The following ERI1 variants were observed in gnomAD, a reference collection of about 807,000 sequenced individuals.
ERI1 encodes exoribonuclease 1.
In ERI1, 39 loss-of-function variants were observed where a neutral mutation model predicts 39.7. The ratio of observed to expected loss-of-function variants is 0.98; its 90% CI spans 0.76 to 1.28. The LOEUF (loss-of-function observed/expected upper bound fraction) is 1.28. Ranked by LOEUF, ERI1 falls within the 50% of genes most tolerant of loss-of-function variation. The pLI is 0.00. For synonymous variants in ERI1, 204 were observed against 149.6 expected, an observed-to-expected ratio of 1.36 and a Z score of -2.65; for missense variants, 581 against 416.9, an observed-to-expected ratio of 1.39 and a Z score of -3.43.
chr8:9,056,271 G>T (rs1342178169), intron 3 of ERI1, among the ~76,000 whole-genome samples: 14 of 152,244 alleles, frequency 9.2e-5, no homozygotes, highest in Non-Finnish European at 1.5e-5. Context: ...GTCAGAGAAT[G>T]CAGGAGCACA....
At chr8:9,063,515 C>G (rs910513478) in intron 3 of ERI1, among the ~76,000 whole-genome samples, 2 of 151,876 alleles carry the variant, frequency 1.3e-5, no homozygotes, top group East Asian at 1.9e-4. Flanking sequence ...CCTAGCTCGG[C>G]CTGGCAAGGA....
chr8:9,075,304 T>A (rs1799174556), intron 3 of ERI1, among the ~76,000 whole-genome samples: 1 of 152,124 alleles, frequency 6.6e-6, no homozygotes. Flanking sequence ...TAGTTTTCCT[T>A]GGATACATGT....
At position 9,003,175 on chromosome 8, in the gene ERI1, A is replaced by C; in HGVS notation, c.108+4A>C. On this transcript the variant is annotated splice_donor_region_variant and intron_variant, in intron 1 of 6. Transcript: ENST00000250263. ...GCCGCCGCGTCCCAGTCCCGAGGTG[A>C]GGAGTCGACCCGCGCCTGGCTGTTG... 4 of 1,241,274 alleles carry C rather than the reference A, an allele frequency of 3.2e-6. No homozygotes were observed. The highest frequency in any genetic ancestry group is 4.0e-6 in the Non-Finnish European group (4 of 990,868). The allele number at this position is 1,241,274 out of a possible 1,614,324, so 76.9% of individuals were successfully genotyped here.
rs1291196798 is a variant in ERI1 at position 9,006,858 on chromosome 8, A to C, written c.109-1112A>C. On this transcript the variant is annotated intron_variant, in intron 1 of 6. Transcript: ENST00000250263. ...TAAATGTGTGTTGCATTAAATTGAG[A>C]GCTTAGAGTAAGAAATGGTTCCTGA... Among the ~76,000 whole-genome samples the C allele has an allele frequency of 3.3e-5, 5 of 152,218 alleles. No homozygotes were observed. The East Asian group carries it at 7.7e-4, about 24-fold the overall frequency.
chr8:9,095,919 C>T (rs895094581), intron 3 of ERI1, among the ~76,000 whole-genome samples: 6 of 152,136 alleles, frequency 3.9e-5, no homozygotes, highest in Non-Finnish European at 5.9e-5. Flanking sequence ...AGAAATGTTT[C>T]GGGAGCCCTC....
At chr8:9,005,865 A>G (rs1171332138) in intron 1 of ERI1, among the ~76,000 whole-genome samples, 3 of 152,256 alleles carry the variant, frequency 2.0e-5, no homozygotes, top group Non-Finnish European at 2.9e-5. Flanking sequence ...TTTCATGGCC[A>G]CATCCCATAA....
intron 4 of ERI1, among the ~76,000 whole-genome samples, chr8:9,017,021 T>A (rs1008057797): frequency 2.6e-5 from 4 of 151,990 alleles, no homozygotes; most frequent in Admixed American, 2.0e-4. Context: ...ACAACCTGAC[T>A]TTATATTTTG....
Position 9,016,298 on chromosome 8 carries a change from T to C in ERI1, c.499-24T>C, listed in dbSNP as rs750976737. ...GTATCTTAACTCATATAAATTACTT[T>C]AACTTGCTATCCTTCCCTTGCAGGA... On this transcript the variant is annotated intron_variant, in intron 3 of 6. Transcript: ENST00000250263. 5.3e-6 allele frequency: 8 copies of C among 1,505,302 alleles called. No individual in the cohort carries two copies. In the South Asian group the frequency reaches 9.5e-5, roughly 18 times the overall value. 93.2% of individuals were successfully genotyped at this position (1,505,302 alleles called of 1,614,324 possible).
intron 3 of ERI1, among the ~76,000 whole-genome samples, chr8:9,063,253 A>G (rs564864698): frequency 2.0e-5 from 3 of 152,318 alleles, no homozygotes; most frequent in South Asian, 2.1e-4. Flanking sequence ...TAAAGGGGCC[A>G]TGAACTGGGC....
intron 3 of ERI1, among the ~76,000 whole-genome samples, chr8:9,067,670 A>C (rs1049735409): frequency 1.3e-5 from 2 of 150,626 alleles, no homozygotes; most frequent in Non-Finnish European, 3.0e-5. Context: ...AAAAAAAAAA[A>C]GGTGACAAGA....
chr8:9,008,936 C>CAAG (rs1407919155), intron 2 of ERI1: 3 of 451,524 alleles, frequency 6.6e-6, no homozygotes, highest in Non-Finnish European at 8.9e-6. Context: ...CACCACTCTT[C>CAAG]AAAAGAGCAC....
intron 6 of ERI1, among the ~76,000 whole-genome samples, chr8:9,028,790 A>T (rs1392571891): frequency 6.6e-6 from 1 of 151,814 alleles, no homozygotes; most frequent in African/African-American, 2.4e-5. Flanking sequence ...TAGCCAGATA[A>T]TTTTTATATT....
chr8:9,025,826 T>A (rs1271004619), intron 6 of ERI1, among the ~76,000 whole-genome samples: 2 of 152,062 alleles, frequency 1.3e-5, no homozygotes, highest in Non-Finnish European at 2.9e-5. Flanking sequence ...TTTTGGAATA[T>A]TTGCATATAC....
rs563565500 is a variant in ERI1, at chr8:9,046,830, C to T, written n.299+26366C>T. 8.9e-4 allele frequency among the ~76,000 whole-genome samples: 135 copies of T among 152,300 alleles called. 1 individual carries two copies. The South Asian group carries it at 0.027, about 31-fold the overall frequency. Reference sequence around the variant, plus strand: ...CCACTCTCACAAGCAGGGCCCACATCGGCCTCCCCTTGGGAAGAGGAAATA... The same window carrying T: ...CCACTCTCACAAGCAGGGCCCACATTGGCCTCCCCTTGGGAAGAGGAAATA... On this transcript the variant is annotated intron_variant and non_coding_transcript_variant, in intron 3 of 3. Coordinates refer to the ERI1 transcript ENST00000518663.
intron 3 of ERI1, among the ~76,000 whole-genome samples, chr8:9,065,505 C>A (rs1003820006): frequency 6.6e-6 from 1 of 151,936 alleles, no homozygotes; most frequent in Non-Finnish European, 1.5e-5. Context: ...ACCATCTTGG[C>A]TAACGTGGTG....
Position 9,031,814 on chromosome 8 carries a change from G to C in ERI1, c.*1780G>C, listed in dbSNP as rs1041528163. ...TGCTCGTCTGCCAGGATGGAGTGCA[G>C]TGGTGCGATCTTGGCTCACTGCAAC... is the stretch of plus-strand genomic sequence containing the variant. On this transcript the variant is annotated 3_prime_UTR_variant, in exon 7 of 7. Coordinates refer to ENST00000250263, the MANE Select transcript of ERI1 (RefSeq NM_153332.4). 3.3e-5 allele frequency: 5 copies of C among 152,298 alleles called. No homozygotes were observed. Among genetic ancestry groups the C allele is most frequent in the African/African-American group, 9.7e-5 (4 of 41,434 alleles). The allele number at this position is 152,298 out of a possible 1,614,324, so 9.4% of individuals were successfully genotyped here. A position where few individuals can be genotyped will look rare whatever the true frequency, so the allele number is the denominator to read the frequency against.
intron 6 of ERI1, among the ~76,000 whole-genome samples, chr8:9,026,079 A>G (rs1437507694): frequency 6.6e-6 from 1 of 152,176 alleles, no homozygotes; most frequent in African/African-American, 2.4e-5. Context: ...TTAGTTACAC[A>G]TAAATTAAGC....
At chr8:9,003,712 T>G (rs1414742635) in intron 1 of ERI1, among the ~76,000 whole-genome samples, 1 of 152,230 alleles carries the variant, frequency 6.6e-6, no homozygotes, top group Non-Finnish European at 1.5e-5. Flanking sequence ...TGACATCTCA[T>G]CGGTTGAACT....
chr8:9,032,530 C>CG lies in ERI1; in HGVS notation c.*2496_*2497insG, dbSNP rs1797660772. The CG allele has an allele frequency of 6.6e-6, 1 of 152,012 alleles. No homozygotes were observed. The highest frequency in any genetic ancestry group is 2.4e-5 in the African/African-American group (1 of 41,390). 9.4% of individuals were successfully genotyped at this position (152,012 alleles called of 1,614,324 possible). ...TGTCTTTGTTGCCTTGAGATAGATCCATTTATCCTGCCTCCTAGGGAGAAG... is the reference window on the plus strand; with the variant it reads ...TGTCTTTGTTGCCTTGAGATAGATCCGATTTATCCTGCCTCCTAGGGAGAAG... On this transcript the variant is annotated 3_prime_UTR_variant, in exon 7 of 7. Transcript: ENST00000250263.
Sources: allele counts gnomAD v4.1 joint callset (sites outside exome capture counted in the v4.1 genomes callset), GRCh38; gene constraint gnomAD v4.1.1; transcripts MANE v1.5; gene names NCBI Gene and HGNC (gene_info 2026-07-23, HGNC 2026-07-21).